The following AGAP1 variants were observed in gnomAD, a reference collection of about 807,000 sequenced individuals.
The protein encoded by AGAP1 is arf-GAP with GTPase, ANK repeat and PH domain-containing protein 1.
AGAP1 carries 29 observed loss-of-function variants against 105.3 expected under a neutral mutation model. That is an observed-to-expected ratio of 0.28 (90% CI 0.21 to 0.38). The LOEUF (loss-of-function observed/expected upper bound fraction) is 0.38, where lower values mean the gene tolerates loss of function less well. Among genes scored for constraint, AGAP1 ranks in the 10% least tolerant of loss-of-function variants. The pLI, the probability that AGAP1 is intolerant of heterozygous loss-of-function variation, is 1.00. For synonymous variants in AGAP1, 509 were observed against 485.9 expected (o/e 1.05, Z -0.63); for missense variants, 998 against 1,165.1 (o/e 0.86, Z 2.09).
chr2:235,795,705 G>A (rs1276630142), intron 6 of AGAP1, among the ~76,000 whole-genome samples: 4 of 152,008 alleles, frequency 2.6e-5, no homozygotes, highest in South Asian at 2.1e-4. Flanking sequence ...ACCAGTTACC[G>A]GATGTTGTGA....
At chr2:236,118,957 T>C (rs1337357558) in intron 16 of AGAP1, among the ~76,000 whole-genome samples, 4 of 151,880 alleles carry the variant, frequency 2.6e-5, no homozygotes, top group Admixed American at 2.6e-4. Context: ...TCGCCTGGGG[T>C]CCTTCCTTTG....
At chr2:235,654,896 T>A (rs1428363629) in intron 1 of AGAP1, among the ~76,000 whole-genome samples, 1 of 152,230 alleles carries the variant, frequency 6.6e-6, no homozygotes, top group Non-Finnish European at 1.5e-5. Flanking sequence ...TAAACAATTA[T>A]AAGGAGTAGG....
intron 9 of AGAP1, among the ~76,000 whole-genome samples, chr2:235,828,440 A>T: frequency 6.6e-6 from 1 of 152,224 alleles, no homozygotes. Flanking sequence ...AGAGAAGTTG[A>T]GCCACTTACT....
In AGAP1 at chr2:236,083,484, T is replaced by TGG. The variant is rs3835792; in HGVS notation, c.2114+34203_2114+34204insGG. On this transcript the variant is annotated intron_variant, in intron 16 of 17. Coordinates refer to ENST00000304032, the MANE Select transcript of AGAP1 (RefSeq NM_001037131.3). This position sits in a 1 kb window ranked among gnomAD's most constrained non-coding sequence, Gnocchi z 5.3. ...GTGCCTAAATGCTGCAACTGATTCTTCTATTATTTTGAAGAGCCTGTTTAT... is the reference window on the plus strand; with the variant it reads ...GTGCCTAAATGCTGCAACTGATTCTTGGCTATTATTTTGAAGAGCCTGTTTAT... Among the ~76,000 whole-genome samples the TGG allele has an allele frequency of 2.4e-4, 36 of 152,322 alleles. 1 individual carries two copies. In the East Asian group the frequency reaches 6.8e-3, roughly 29 times the overall value.
chr2:235,903,869 C>G (rs2051175442), intron 10 of AGAP1, among the ~76,000 whole-genome samples: 1 of 152,122 alleles, frequency 6.6e-6, no homozygotes, highest in South Asian at 2.1e-4. Flanking sequence ...AATTCTAGGA[C>G]AACGTGATAC....
At position 235,553,069 on chromosome 2, in the gene AGAP1, G is replaced by C. The variant is rs1439454738; in HGVS notation, c.163+58220G>C. ...TCTGAGCCTCTGCTTTATTTCATCT[G>C]CAAGTAGCATTAATACTATAACTGA... On this transcript the variant is annotated intron_variant, in intron 1 of 17. Coordinates refer to ENST00000304032, the MANE Select transcript of AGAP1 (RefSeq NM_001037131.3). This position sits in a 1 kb window ranked among gnomAD's most constrained non-coding sequence, Gnocchi z 4.5. Among the ~76,000 whole-genome samples, 3 of 152,164 alleles carry C rather than the reference G, an allele frequency of 2.0e-5. No homozygotes were observed. The highest frequency in any genetic ancestry group is 4.4e-5 in the Non-Finnish European group (3 of 68,038).
In AGAP1 at chr2:235,891,299, T is replaced by C. The variant is rs550469932; in HGVS notation, c.1155+7850T>C. Among the ~76,000 whole-genome samples the C allele has an allele frequency of 6.6e-6, 1 of 152,328 alleles. No individual in the cohort carries two copies. The highest frequency in any genetic ancestry group is 2.1e-4 in the South Asian group (1 of 4,822). Reference sequence around the variant, plus strand: ...AGCACGCTGGCTGATGCTGCTGCTCTGCGGTCTACATTTTTGTGTCTTTGA... The same window carrying C: ...AGCACGCTGGCTGATGCTGCTGCTCCGCGGTCTACATTTTTGTGTCTTTGA... On this transcript the variant is annotated intron_variant, in intron 10 of 17. Coordinates refer to ENST00000304032, the MANE Select transcript of AGAP1 (RefSeq NM_001037131.3). This position sits in a 1 kb window ranked among gnomAD's most constrained non-coding sequence, Gnocchi z 4.2.
At chr2:235,702,641 T>A (rs1177114384) in intron 1 of AGAP1, among the ~76,000 whole-genome samples, 3 of 152,218 alleles carry the variant, frequency 2.0e-5, no homozygotes, top group Non-Finnish European at 4.4e-5. Flanking sequence ...ATCACATGGA[T>A]GACTTTTTTC....
intron 1 of AGAP1, among the ~76,000 whole-genome samples, chr2:235,496,283 GT>G (rs1188273766): frequency 6.6e-6 from 1 of 152,178 alleles, no homozygotes; most frequent in African/African-American, 2.4e-5. Flanking sequence ...AGCCCTTTGT[GT>G]GTATCTGTCT....
Position 235,960,504 on chromosome 2 carries a change from C to T in AGAP1, c.1484-7958C>T, listed in dbSNP as rs150279548. On this transcript the variant is annotated intron_variant, in intron 12 of 17. Transcript: ENST00000304032. The surrounding 1 kb of genome is among the most constrained non-coding windows in gnomAD (Gnocchi z 4.9). ...TGGCTGGAGGTGGCCTGGGTATGCT[C>T]GGTCCAGTGCAGGTGGGCGTGCGGA... Among the ~76,000 whole-genome samples, 446 of 152,228 alleles carry T rather than the reference C, an allele frequency of 2.9e-3. 1 individual carries two copies. The highest frequency in any genetic ancestry group is 4.9e-3 in the Non-Finnish European group (331 of 68,006).
At chr2:235,814,544 T>C (rs1355005088) in intron 9 of AGAP1, among the ~76,000 whole-genome samples, 1 of 152,238 alleles carries the variant, frequency 6.6e-6, no homozygotes, top group Non-Finnish European at 1.5e-5. Context: ...GGTCCTCTGC[T>C]ACGGCTGGAG....
chr2:235,599,075 G>A lies in AGAP1; in HGVS notation c.163+104226G>A, dbSNP rs1574936227. ...CAGGTAGGAATGTATTTATTTACTC[G>A]CATGCCTTCAGATGCTTGCAGTAAG... is the stretch of plus-strand genomic sequence containing the variant. On this transcript the variant is annotated intron_variant, in intron 1 of 17. Coordinates refer to ENST00000304032, the MANE Select transcript of AGAP1 (RefSeq NM_001037131.3). This position sits in a 1 kb window ranked among gnomAD's most constrained non-coding sequence, Gnocchi z 5.3. Among the ~76,000 whole-genome samples the A allele has an allele frequency of 1.3e-5, 2 of 152,082 alleles. No homozygotes were observed. Among genetic ancestry groups the A allele is most frequent in the African/African-American group, 2.4e-5 (1 of 41,406 alleles).
Position 235,549,456 on chromosome 2 carries a change from A to G in AGAP1, c.163+54607A>G, listed in dbSNP as rs1943733149. On this transcript the variant is annotated intron_variant, in intron 1 of 17. Coordinates refer to ENST00000304032, the MANE Select transcript of AGAP1 (RefSeq NM_001037131.3). The surrounding 1 kb of genome is among the most constrained non-coding windows in gnomAD (Gnocchi z 4.2). ...GGTTGGGAGGCAATGCAGGGTGTTCATCAGCCAGCATGAGACCCTCGCTTC... is the reference window on the plus strand; with the variant it reads ...GGTTGGGAGGCAATGCAGGGTGTTCGTCAGCCAGCATGAGACCCTCGCTTC... Among the ~76,000 whole-genome samples the G allele has an allele frequency of 6.6e-6, 1 of 152,158 alleles. No individual in the cohort carries two copies. Among genetic ancestry groups the G allele is most frequent in the African/African-American group, 2.4e-5 (1 of 41,438 alleles).
At chr2:235,588,772 T>TGTATTGA (rs1303336797) in intron 1 of AGAP1, among the ~76,000 whole-genome samples, 3 of 152,206 alleles carry the variant, frequency 2.0e-5, no homozygotes, top group African/African-American at 7.2e-5. Flanking sequence ...ATACATGTCA[T>TGTATTGA]TATTCACTGA....
chr2:236,051,509 C>A lies in AGAP1; in HGVS notation c.2114+2228C>A, dbSNP rs1177627341. ...AGGGCCAGGGGACCAGGTGGGAAGG[C>A]GGGCTGGAGGGTGGGAGTGGCCTCG... On this transcript the variant is annotated intron_variant, in intron 16 of 17. Coordinates refer to ENST00000304032, the MANE Select transcript of AGAP1 (RefSeq NM_001037131.3). The surrounding 1 kb of genome is among the most constrained non-coding windows in gnomAD (Gnocchi z 5.9). Among the ~76,000 whole-genome samples, 1 of 150,588 alleles carries A rather than the reference C, an allele frequency of 6.6e-6. No homozygotes were observed. Among genetic ancestry groups the A allele is most frequent in the African/African-American group, 2.4e-5 (1 of 40,962 alleles).
chr2:235,952,952 G>A (rs1048341231), intron 12 of AGAP1, among the ~76,000 whole-genome samples: 7 of 152,170 alleles, frequency 4.6e-5, no homozygotes, highest in South Asian at 2.1e-4. Context: ...ACCTCCAGCC[G>A]GTTGACTGGG....
intron 12 of AGAP1, among the ~76,000 whole-genome samples, chr2:235,940,987 G>T (rs1248091099): frequency 6.6e-6 from 1 of 152,204 alleles, no homozygotes; most frequent in Admixed American, 6.5e-5. Flanking sequence ...TATTTCGTTC[G>T]ATTTGCAAAA....
chr2:236,048,256 A>G (rs1349869166), intron 15 of AGAP1, among the ~76,000 whole-genome samples: 2 of 152,180 alleles, frequency 1.3e-5, no homozygotes, highest in African/African-American at 4.8e-5. Context: ...TGGTCTTCTG[A>G]TGATGCCAGC....
rs1387404334 is a variant in AGAP1, at chr2:236,123,515, T to C, written c.2371-404T>C. Among the ~76,000 whole-genome samples the C allele has an allele frequency of 6.6e-6, 1 of 152,210 alleles. No individual in the cohort carries two copies. Among genetic ancestry groups the C allele is most frequent in the African/African-American group, 2.4e-5 (1 of 41,438 alleles). On this transcript the variant is annotated intron_variant, in intron 17 of 17. Coordinates refer to ENST00000304032, the MANE Select transcript of AGAP1 (RefSeq NM_001037131.3). This position sits in a 1 kb window ranked among gnomAD's most constrained non-coding sequence, Gnocchi z 4.6. ...TACACTAATTCACAAAGGTTATCTCTAAGTAGTAAGATTATGGGTGATTTT... is the reference window on the plus strand; with the variant it reads ...TACACTAATTCACAAAGGTTATCTCCAAGTAGTAAGATTATGGGTGATTTT...
Sources: gnomAD v4.1 joint callset for allele counts (sites outside exome capture counted in the v4.1 genomes callset) on GRCh38, gnomAD v4.1.1 for gene constraint, Gnocchi (gnomAD v3.1) non-coding constraint, MANE v1.5 for transcripts, NCBI Gene and HGNC (gene_info 2026-07-23, HGNC 2026-07-21) for gene names.